CREB3L2: variants seen among roughly 807,000 people sequenced by gnomAD.
CREB3L2 encodes cyclic AMP-responsive element-binding protein 3-like protein 2.
CREB3L2 carries 23 observed loss-of-function variants against 57.2 expected under a neutral mutation model. That is an observed-to-expected ratio of 0.40 (90% CI 0.29 to 0.57). CREB3L2 has a LOEUF of 0.57. Ranked by LOEUF, CREB3L2 falls within the 20% of genes least tolerant of loss-of-function variation. The probability of loss-of-function intolerance (pLI) is 0.42; values close to 1 mark genes in which losing one functional copy is unlikely to be tolerated. For missense variants in CREB3L2, 628 were observed against 634.7 expected (o/e 0.99, Z 0.11); for synonymous variants, 268 against 265.1 (o/e 1.01, Z -0.11).
chr7:137,875,552 A>C lies in CREB3L2; in HGVS notation c.*4924T>G. 1 of 223,530 alleles carries C rather than the reference A, an allele frequency of 4.5e-6. No homozygotes were observed. Among genetic ancestry groups the C allele is most frequent in the Non-Finnish European group, 8.9e-6 (1 of 111,830 alleles). The allele number at this position is 223,530 out of a possible 1,614,324, so 13.8% of individuals were successfully genotyped here. On this transcript the variant is annotated 3_prime_UTR_variant, in exon 12 of 12. Coordinates refer to ENST00000330387, the MANE Select transcript of CREB3L2 (RefSeq NM_194071.4). Reference sequence around the variant, plus strand: ...TGGAACAAAAAGATAGGAGATGGACACCTGGGGGACTGCTCCAGCACGAAG... The same window carrying C: ...TGGAACAAAAAGATAGGAGATGGACCCCTGGGGGACTGCTCCAGCACGAAG...
intron 8 of CREB3L2, among the ~76,000 whole-genome samples, chr7:137,898,624 T>C (rs777891510): frequency 1.4e-4 from 22 of 152,364 alleles, no homozygotes; most frequent in Non-Finnish European, 3.1e-4. Context: ...TTATGTTCCT[T>C]CTGATGGAGG....
At chr7:137,999,363 ATTGT>A (rs1367345206) in intron 1 of CREB3L2, among the ~76,000 whole-genome samples, 3 of 127,180 alleles carry the variant, frequency 2.4e-5, no homozygotes, top group African/African-American at 5.6e-5. Flanking sequence ...TATAATGTTT[ATTGT>A]TTATGTTCCC....
chr7:137,952,416 C>T (rs1169407205), intron 1 of CREB3L2, among the ~76,000 whole-genome samples: 1 of 152,216 alleles, frequency 6.6e-6, no homozygotes, highest in Non-Finnish European at 1.5e-5. Flanking sequence ...AGCCCTCAGG[C>T]TCTCAGCCTT....
rs114257813 is a variant in CREB3L2 at position 137,997,704 on chromosome 7, G to A, written c.102+3900C>T. ...GATTGAGCAACTGCACTCTAGTCTGGGTGTCAGAACAAGACCCATCTCAAA... is the reference window on the plus strand; with the variant it reads ...GATTGAGCAACTGCACTCTAGTCTGAGTGTCAGAACAAGACCCATCTCAAA... On this transcript the variant is annotated intron_variant, in intron 1 of 11. Coordinates refer to ENST00000330387, the MANE Select transcript of CREB3L2 (RefSeq NM_194071.4). Among the ~76,000 whole-genome samples the A allele has an allele frequency of 7.3e-4, 110 of 151,192 alleles. 1 individual carries two copies. Among genetic ancestry groups the A allele is most frequent in the African/African-American group, 2.5e-3 (103 of 41,108 alleles).
chr7:137,930,168 A>T (rs1800584523), intron 1 of CREB3L2, among the ~76,000 whole-genome samples: 1 of 152,052 alleles, frequency 6.6e-6, no homozygotes, highest in African/African-American at 2.4e-5. Flanking sequence ...AAGTGCTGGG[A>T]TTACAGGCGT....
chr7:137,943,972 C>T (rs1298515276), intron 1 of CREB3L2, among the ~76,000 whole-genome samples: 1 of 152,182 alleles, frequency 6.6e-6, no homozygotes, highest in Non-Finnish European at 1.5e-5. Context: ...ATGCAAAATG[C>T]AGCACTGTGT....
chr7:137,945,758 G>C (rs2117263673), intron 1 of CREB3L2, among the ~76,000 whole-genome samples: 1 of 152,298 alleles, frequency 6.6e-6, no homozygotes, highest in South Asian at 2.1e-4. Flanking sequence ...TTTTGTATTA[G>C]AACCTCAAAT....
At chr7:137,958,624 GC>G (rs1433994083) in intron 1 of CREB3L2, among the ~76,000 whole-genome samples, 1 of 152,246 alleles carries the variant, frequency 6.6e-6, no homozygotes, top group Non-Finnish European at 1.5e-5. Flanking sequence ...TCACTTATCT[GC>G]TTGGCATTTG....
rs1800789776 is a variant in CREB3L2 at position 137,936,561 on chromosome 7, C to CT, written c.103-8196dup. 4.6e-5 allele frequency among the ~76,000 whole-genome samples: 7 copies of CT among 152,272 alleles called. No homozygotes were observed. The East Asian group carries it at 1.4e-3, about 29-fold the overall frequency. On this transcript the variant is annotated intron_variant, in intron 1 of 11. Transcript: ENST00000330387. The stretch of plus-strand genomic sequence containing the variant: ...TTCACCTTTTTTAAATTCTTAGACC[C>CT]TTTTGGGAATCTAATGAATGCTCCT...
intron 8 of CREB3L2, among the ~76,000 whole-genome samples, chr7:137,890,936 C>T (rs1799517563): frequency 6.6e-6 from 1 of 152,220 alleles, no homozygotes; most frequent in Admixed American, 6.5e-5. Flanking sequence ...GCCTATGAAG[C>T]TCAGTATAAA....
At chr7:137,920,152 C>A (rs937779575) in intron 2 of CREB3L2, among the ~76,000 whole-genome samples, 1 of 152,212 alleles carries the variant, frequency 6.6e-6, no homozygotes, top group African/African-American at 2.4e-5. Flanking sequence ...CCATCCATGT[C>A]TTTTGCCTTA....
chr7:137,892,360 A>C (rs80185522), intron 8 of CREB3L2, among the ~76,000 whole-genome samples: 3 of 151,932 alleles, frequency 2.0e-5, no homozygotes, highest in South Asian at 2.1e-4. Flanking sequence ...AAAAAAAAAA[A>C]AACAACTTGG....
intron 1 of CREB3L2, among the ~76,000 whole-genome samples, chr7:137,947,490 C>T (rs531312083): frequency 3.9e-5 from 6 of 152,246 alleles, no homozygotes; most frequent in South Asian, 2.1e-4. Context: ...GGGTGTAGTC[C>T]TGGCCTGTGC....
chr7:137,954,487 T>G (rs2117276179), intron 1 of CREB3L2, among the ~76,000 whole-genome samples: 1 of 152,266 alleles, frequency 6.6e-6, no homozygotes, highest in Non-Finnish European at 1.5e-5. Flanking sequence ...TTCAGAAAAC[T>G]TTTAGCAAAA....
intron 2 of CREB3L2, among the ~76,000 whole-genome samples, chr7:137,922,416 G>GTATA (rs1179011567): frequency 0.025 from 434 of 17,218 alleles, 17 homozygotes; most frequent in Middle Eastern, 0.067. Context: ...ATATATATAT[G>GTATA]TATATATATA....
chr7:137,939,580 C>T (rs1396549736), intron 1 of CREB3L2, among the ~76,000 whole-genome samples: 1 of 152,174 alleles, frequency 6.6e-6, no homozygotes, highest in Non-Finnish European at 1.5e-5. Flanking sequence ...CCTCTTGCCC[C>T]TTCCTTCTGC....
intron 7 of CREB3L2, among the ~76,000 whole-genome samples, chr7:137,902,507 G>A (rs1034860993): frequency 6.6e-6 from 1 of 152,098 alleles, no homozygotes; most frequent in African/African-American, 2.4e-5. Context: ...ACTTTCATAG[G>A]AACATCTTGA....
chr7:137,995,329 C>CTTTATT (rs1431208451), intron 1 of CREB3L2, among the ~76,000 whole-genome samples: 1 of 21,954 alleles, frequency 4.6e-5, no homozygotes, highest in Non-Finnish European at 9.3e-5. Context: ...TTTTTCTTTT[C>CTTTATT]TTTCTTTTTT....
chr7:137,907,546 A>G (rs1397798527), intron 5 of CREB3L2, among the ~76,000 whole-genome samples: 1 of 152,234 alleles, frequency 6.6e-6, no homozygotes, highest in Non-Finnish European at 1.5e-5. Flanking sequence ...TAATTAATGG[A>G]CGGATGGTAC....
Sources: allele counts gnomAD v4.1 joint callset (sites outside exome capture counted in the v4.1 genomes callset), GRCh38; gene constraint gnomAD v4.1.1; transcripts MANE v1.5; gene names NCBI Gene and HGNC (gene_info 2026-07-23, HGNC 2026-07-21).